GRIK4: variants seen among roughly 807,000 people sequenced by gnomAD.
GRIK4 encodes the protein glutamate receptor ionotropic, kainate 4.
In GRIK4, 40 loss-of-function variants were observed where a neutral mutation model predicts 104.9. The observed-to-expected ratio is 0.38, with a 90% CI of 0.30 to 0.50. GRIK4 has a LOEUF of 0.50. GRIK4 is among the 20% of genes least tolerant of loss of function. The pLI is 0.93. For missense variants in GRIK4, 1,047 were observed against 1,308.1 expected (o/e 0.80, Z 3.08); for synonymous variants, 485 against 524.9 (o/e 0.92, Z 1.04).
intron 1 of GRIK4, among the ~76,000 whole-genome samples, chr11:120,559,784 C>T (rs1358135224): frequency 6.6e-6 from 1 of 152,134 alleles, no homozygotes; most frequent in African/African-American, 2.4e-5. Flanking sequence ...TTCATTTTGT[C>T]AGTTGCCTCT....
chr11:120,648,180 A>G (rs1273847619), intron 1 of GRIK4, among the ~76,000 whole-genome samples: 2 of 152,192 alleles, frequency 1.3e-5, no homozygotes, highest in African/African-American at 4.8e-5. Context: ...CTGAGCCTTC[A>G]GCCTCTGGAC....
chr11:120,890,341 C>T (rs1319549737), intron 11 of GRIK4, among the ~76,000 whole-genome samples: 1 of 152,102 alleles, frequency 6.6e-6, no homozygotes, highest in Non-Finnish European at 1.5e-5. Flanking sequence ...CCTCTTGTAC[C>T]CCCTGAATCC....
intron 3 of GRIK4, among the ~76,000 whole-genome samples, chr11:120,785,243 G>A (rs888743889): frequency 1.6e-4 from 24 of 152,326 alleles, no homozygotes; most frequent in East Asian, 1.2e-3. Flanking sequence ...TGCCACAGTC[G>A]TGCATCTGGG....
At chr11:120,622,594 G>T (rs1297515048) in intron 1 of GRIK4, among the ~76,000 whole-genome samples, 1 of 152,124 alleles carries the variant, frequency 6.6e-6, no homozygotes, top group Non-Finnish European at 1.5e-5. Flanking sequence ...TTCTCTTTTG[G>T]GAGTGTCATT....
In GRIK4 at chr11:120,524,948, T is replaced by G. The variant is rs1431166024; in HGVS notation, c.-159+13061T>G. ...CTGAGGTCCTAGTCCACCTTCCGTCTTCTTGGCTTCTGGAGCCCATCAGGG... is the reference window on the plus strand; with the variant it reads ...CTGAGGTCCTAGTCCACCTTCCGTCGTCTTGGCTTCTGGAGCCCATCAGGG... On this transcript the variant is annotated intron_variant, in intron 1 of 20. Coordinates refer to ENST00000527524, the MANE Select transcript of GRIK4 (RefSeq NM_014619.5). The surrounding 1 kb of genome is among the most constrained non-coding windows in gnomAD (Gnocchi z 4.5). 6.6e-6 allele frequency among the ~76,000 whole-genome samples: 1 copy of G among 152,170 alleles called. No individual in the cohort carries two copies. Among genetic ancestry groups the G allele is most frequent in the Non-Finnish European group, 1.5e-5 (1 of 68,024 alleles).
intron 1 of GRIK4, among the ~76,000 whole-genome samples, chr11:120,534,934 C>T (rs986116343): frequency 1.3e-5 from 2 of 152,120 alleles, no homozygotes; most frequent in African/African-American, 4.8e-5. Flanking sequence ...TCCTGAGATA[C>T]GAGACTTCAG....
chr11:120,546,881 C>T (rs759167009), intron 1 of GRIK4, among the ~76,000 whole-genome samples: 22 of 152,210 alleles, frequency 1.4e-4, no homozygotes, highest in Non-Finnish European at 2.8e-4. Context: ...CATAATTTTG[C>T]TAGAGAAACC....
At chr11:120,538,331 G>A (rs1305490689) in intron 1 of GRIK4, among the ~76,000 whole-genome samples, 1 of 152,120 alleles carries the variant, frequency 6.6e-6, no homozygotes, top group Admixed American at 6.5e-5. Context: ...TACAGGTGGG[G>A]AACTTCAGGG....
At chr11:120,707,776 C>T (rs1033325229) in intron 3 of GRIK4, among the ~76,000 whole-genome samples, 2 of 152,182 alleles carry the variant, frequency 1.3e-5, no homozygotes, top group African/African-American at 4.8e-5. Context: ...GTGCTGGCTA[C>T]AGGCTGGAGG....
At chr11:120,973,027 C>T (rs1438662974) in intron 19 of GRIK4, among the ~76,000 whole-genome samples, 1 of 152,106 alleles carries the variant, frequency 6.6e-6, no homozygotes, top group Non-Finnish European at 1.5e-5. Flanking sequence ...AATACAATGA[C>T]ACAACCGCAA....
intron 1 of GRIK4, among the ~76,000 whole-genome samples, chr11:120,641,787 A>T (rs1343375233): frequency 6.6e-6 from 1 of 152,148 alleles, no homozygotes; most frequent in African/African-American, 2.4e-5. Flanking sequence ...TTGACCTCCT[A>T]TCTCATTCTG....
intron 1 of GRIK4, among the ~76,000 whole-genome samples, chr11:120,639,082 C>T (rs1261254508): frequency 6.6e-6 from 1 of 151,920 alleles, no homozygotes; most frequent in Non-Finnish European, 1.5e-5. Flanking sequence ...CCTGTAATCG[C>T]CCACTCAGGA....
At chr11:120,709,890 G>T (rs751246959) in intron 3 of GRIK4, among the ~76,000 whole-genome samples, 1 of 152,188 alleles carries the variant, frequency 6.6e-6, no homozygotes, top group East Asian at 1.9e-4. Flanking sequence ...AGAGTGTACT[G>T]TTCTGTCTGT....
intron 1 of GRIK4, among the ~76,000 whole-genome samples, chr11:120,642,627 A>G (rs1244294632): frequency 2.6e-5 from 4 of 152,012 alleles, no homozygotes; most frequent in African/African-American, 9.7e-5. Flanking sequence ...GTGAGGCCCC[A>G]TCTTCTCCCT....
intron 11 of GRIK4, among the ~76,000 whole-genome samples, chr11:120,895,185 T>C (rs997220552): frequency 6.6e-6 from 1 of 152,032 alleles, no homozygotes; most frequent in African/African-American, 2.4e-5. Flanking sequence ...CGGGGCTTCT[T>C]TTAGCAAGTG....
At chr11:120,910,454 A>C (rs896881896) in intron 13 of GRIK4, among the ~76,000 whole-genome samples, 1 of 152,170 alleles carries the variant, frequency 6.6e-6, no homozygotes, top group African/African-American at 2.4e-5. Flanking sequence ...GGAGATGAGA[A>C]GGATGGTTGT....
At chr11:120,736,256 C>T (rs11607895) in intron 3 of GRIK4, among the ~76,000 whole-genome samples, 7,462 of 152,166 alleles carry the variant, frequency 0.049, 211 homozygotes, top group South Asian at 0.15. Context: ...ATGGGGACCT[C>T]ATGACTCTGC....
chr11:120,967,136 A>ATCTCG lies in GRIK4; in HGVS notation c.2267-59_2267-58insTCTCG. On this transcript the variant is annotated intron_variant, in intron 18 of 20. Transcript: ENST00000527524. This position sits in a 1 kb window ranked among gnomAD's most constrained non-coding sequence, Gnocchi z 4.2. ...GGAGGTGTGCCGGGAAGGGGAGCAG[A>ATCTCG]GTGACACCTAACAGGGCATTCACAA... The ATCTCG allele has an allele frequency of 6.4e-7, 1 of 1,555,910 alleles. No individual in the cohort carries two copies. Among genetic ancestry groups the ATCTCG allele is most frequent in the Non-Finnish European group, 8.7e-7 (1 of 1,146,618 alleles).
chr11:120,731,096 C>T (rs1014580906), intron 3 of GRIK4, among the ~76,000 whole-genome samples: 1 of 151,946 alleles, frequency 6.6e-6, no homozygotes, highest in Non-Finnish European at 1.5e-5. Context: ...ACTTCCAGTA[C>T]TATGTTGAAT....
Sources: gnomAD v4.1 joint callset for allele counts (sites outside exome capture counted in the v4.1 genomes callset) on GRCh38, gnomAD v4.1.1 for gene constraint, Gnocchi (gnomAD v3.1) non-coding constraint, MANE v1.5 for transcripts, NCBI Gene and HGNC (gene_info 2026-07-23, HGNC 2026-07-21) for gene names.